The following CACNA2D3 variants were observed in gnomAD, a reference collection of about 807,000 sequenced individuals.
The protein encoded by CACNA2D3 is voltage-dependent calcium channel subunit alpha-2/delta-3.
In CACNA2D3, 60 loss-of-function variants were observed where a neutral mutation model predicts 160.6. That is an observed-to-expected ratio of 0.37 (90% CI 0.30 to 0.46). The LOEUF (loss-of-function observed/expected upper bound fraction) is 0.46. Among genes scored for constraint, CACNA2D3 ranks in the 20% least tolerant of loss-of-function variants. The pLI, the probability that CACNA2D3 is intolerant of heterozygous loss-of-function variation, is 1.00. For synonymous variants in CACNA2D3, 558 were observed against 492.9 expected (o/e 1.13, Z -1.75); for missense variants, 1,205 against 1,365.0 (o/e 0.88, Z 1.85).
chr3:54,154,768 C>T lies in CACNA2D3; in HGVS notation c.204+31174C>T, dbSNP rs190781073. ...TGTACAGCCACATTTAAAAAATCCA[C>T]GATCTTGTTGCAGATGTACGATTCT... is the stretch of plus-strand genomic sequence containing the variant. On this transcript the variant is annotated intron_variant, in intron 2 of 37. Coordinates refer to ENST00000474759, the MANE Select transcript of CACNA2D3 (RefSeq NM_018398.3). 1.4e-3 allele frequency among the ~76,000 whole-genome samples: 212 copies of T among 152,190 alleles called. 1 individual carries two copies. The highest frequency in any genetic ancestry group is 4.8e-3 in the African/African-American group (200 of 41,510).
At chr3:54,870,315 A>C (rs187737530) in intron 17 of CACNA2D3, among the ~76,000 whole-genome samples, 109 of 152,312 alleles carry the variant, frequency 7.2e-4, no homozygotes, top group Admixed American at 6.4e-3. Context: ...TCAGTGTCAA[A>C]AATGGCAACC....
At chr3:54,386,692 C>CT in intron 3 of CACNA2D3, 23 bp from the exon 4 acceptor site, 2 of 1,060,402 alleles carry the variant, frequency 1.9e-6, no homozygotes, top group Admixed American at 2.4e-5. Flanking sequence ...ATGCTGTCTT[C>CT]TGTTTTTTTT....
intron 3 of CACNA2D3, among the ~76,000 whole-genome samples, chr3:54,355,022 C>G (rs1197145240): frequency 6.6e-6 from 1 of 152,166 alleles, no homozygotes; most frequent in East Asian, 1.9e-4. Flanking sequence ...CTTGAGATAC[C>G]ATTGTAAACA....
In CACNA2D3 at chr3:54,355,331, T is replaced by G. The variant is rs150345640; in HGVS notation, c.322-31384T>G. On this transcript the variant is annotated intron_variant, in intron 3 of 37. Transcript: ENST00000474759. ...CAGCAGGAGGAGATGTGATCTGATT[T>G]CCAATCCGGGCACTCCGGCTGCTGT... Among the ~76,000 whole-genome samples, 233 of 152,334 alleles carry G rather than the reference T, an allele frequency of 1.5e-3. 2 individuals are homozygous for G. The highest frequency in any genetic ancestry group is 5.3e-3 in the African/African-American group (222 of 41,572).
At chr3:54,771,422 T>C (rs554660088) in intron 13 of CACNA2D3, among the ~76,000 whole-genome samples, 16 of 152,314 alleles carry the variant, frequency 1.1e-4, no homozygotes, top group African/African-American at 3.8e-4. Flanking sequence ...CAAGGAAGCG[T>C]TGGCTGCACT....
At chr3:54,744,135 G>A (rs1330173901) in intron 11 of CACNA2D3, among the ~76,000 whole-genome samples, 1 of 152,152 alleles carries the variant, frequency 6.6e-6, no homozygotes, top group Non-Finnish European at 1.5e-5. Flanking sequence ...ACTCACTTCT[G>A]ATATGACTAT....
intron 2 of CACNA2D3, among the ~76,000 whole-genome samples, chr3:54,293,004 G>C (rs931442237): frequency 5.9e-5 from 9 of 152,164 alleles, no homozygotes; most frequent in Non-Finnish European, 1.3e-4. Context: ...AAAAAGGAAT[G>C]AATTTTTCAT....
chr3:54,175,929 G>A (rs998475108), intron 2 of CACNA2D3, among the ~76,000 whole-genome samples: 1 of 152,188 alleles, frequency 6.6e-6, no homozygotes, highest in Non-Finnish European at 1.5e-5. Context: ...TGATATAAAA[G>A]TCTGTCCAGG....
intron 9 of CACNA2D3, among the ~76,000 whole-genome samples, chr3:54,614,873 A>C (rs983771925): frequency 2.0e-5 from 3 of 152,178 alleles, no homozygotes; most frequent in African/African-American, 7.2e-5. Context: ...AAAACACACA[A>C]AAATCATCAA....
intron 4 of CACNA2D3, among the ~76,000 whole-genome samples, chr3:54,472,133 A>G (rs1700744108): frequency 6.6e-6 from 1 of 152,234 alleles, no homozygotes. Flanking sequence ...ATGAACATCG[A>G]TGCAAAAATC....
chr3:54,276,387 G>A (rs567638691), intron 2 of CACNA2D3, among the ~76,000 whole-genome samples: 36 of 152,172 alleles, frequency 2.4e-4, no homozygotes, highest in Non-Finnish European at 3.2e-4. Context: ...TGGCCACCAC[G>A]GCGAAACCCT....
At chr3:54,562,281 T>C (rs946170464) in intron 5 of CACNA2D3, among the ~76,000 whole-genome samples, 1 of 152,114 alleles carries the variant, frequency 6.6e-6, no homozygotes, top group African/African-American at 2.4e-5. Context: ...ACAGAAGAAG[T>C]AGAGAGATTT....
chr3:54,349,847 G>C (rs1698522553), intron 3 of CACNA2D3, among the ~76,000 whole-genome samples: 1 of 152,120 alleles, frequency 6.6e-6, no homozygotes. Flanking sequence ...CAGAAATCTG[G>C]GTTCTTGTTC....
chr3:54,780,203 G>A (rs896412682), intron 13 of CACNA2D3, among the ~76,000 whole-genome samples: 4 of 152,194 alleles, frequency 2.6e-5, no homozygotes, highest in Non-Finnish European at 5.9e-5. Flanking sequence ...TGTCATATTT[G>A]TCTTTCCTTT....
chr3:54,465,199 A>C (rs1700598954), intron 4 of CACNA2D3, among the ~76,000 whole-genome samples: 1 of 151,738 alleles, frequency 6.6e-6, no homozygotes, highest in Non-Finnish European at 1.5e-5. Context: ...AGATTTTTTT[A>C]ATGAAATCTA....
intron 3 of CACNA2D3, among the ~76,000 whole-genome samples, chr3:54,364,963 C>T (rs1698804899): frequency 1.3e-5 from 2 of 152,118 alleles, no homozygotes; most frequent in Non-Finnish European, 2.9e-5. Flanking sequence ...CATTATTTTC[C>T]ATGGTAGATT....
At chr3:55,066,067 G>A (rs764228590) in intron 35 of CACNA2D3, among the ~76,000 whole-genome samples, 56 of 152,266 alleles carry the variant, frequency 3.7e-4, no homozygotes, top group Non-Finnish European at 5.7e-4. Context: ...GTCACCAAAT[G>A]TTTGCTCTCA....
intron 31 of CACNA2D3, among the ~76,000 whole-genome samples, chr3:54,994,093 G>A (rs1335740152): frequency 6.6e-6 from 1 of 152,044 alleles, no homozygotes; most frequent in African/African-American, 2.4e-5. Flanking sequence ...GCTGGCTTGT[G>A]TGGAATTCCC....
chr3:54,372,050 G>A (rs1263539298), intron 3 of CACNA2D3, among the ~76,000 whole-genome samples: 1 of 152,150 alleles, frequency 6.6e-6, no homozygotes, highest in Non-Finnish European at 1.5e-5. Flanking sequence ...AAATAATCCT[G>A]ACCTAGGGTA....
Sources: allele counts gnomAD v4.1 joint callset (sites outside exome capture counted in the v4.1 genomes callset), GRCh38; gene constraint gnomAD v4.1.1; transcripts MANE v1.5; gene names NCBI Gene and HGNC (gene_info 2026-07-23, HGNC 2026-07-21).